ZNF577: variants seen among roughly 807,000 people sequenced by gnomAD.
The protein encoded by ZNF577 is zinc finger protein 577.
ZNF577 carries 14 observed loss-of-function variants against 13.9 expected under a neutral mutation model. The ratio of observed to expected loss-of-function variants is 1.00; its 90% CI spans 0.66 to 1.57. The LOEUF is 1.57. Ranked by LOEUF, ZNF577 falls within the 40% of genes most tolerant of loss-of-function variation. ZNF577 has a pLI of 0.00. For missense variants in ZNF577, 555 were observed against 579.2 expected, an observed-to-expected ratio of 0.96 and a Z score of 0.43; for synonymous variants, 203 against 202.9, an observed-to-expected ratio of 1.00 and a Z score of 0.00.
chr19:51,849,504 G>A (rs554965542), intron 5 of ZNF577, among the ~76,000 whole-genome samples: 1 of 152,286 alleles, frequency 6.6e-6, no homozygotes, highest in African/African-American at 2.4e-5. Flanking sequence ...TGCCATGTGA[G>A]GACACAGCAA....
At position 51,873,466 on chromosome 19, in the gene ZNF577, T is replaced by C. The variant is rs560523486; in HGVS notation, c.524A>G (p.Gln175Arg). 134 of 1,614,190 alleles carry C rather than the reference T, an allele frequency of 8.3e-5. No homozygotes were observed. Among genetic ancestry groups the C allele is most frequent in the Admixed American group, 2.2e-4 (13 of 60,030 alleles). The stretch of plus-strand genomic sequence containing the variant: ...CTCTCCTCTTTCAGTTCTCTGATGT[T>C]GAATAAGCTGTGCTTTCCTGGAGAA... ...RAFSRKAQLI[Q>R]HQRTERGEKP... The change falls in exon 6 of 6, where the codon CAA (glutamine) becomes CGA (arginine). Residue 175 changes from glutamine (Q) to arginine (R), a missense_variant. Gln to Arg is a conservative substitution (Grantham distance 43). Coordinates refer to ENST00000638348, the MANE Select transcript of ZNF577 (RefSeq NM_001370449.1).
At position 51,824,455 on chromosome 19, in the gene ZNF577, C is replaced by A. The variant is rs1379995512; in HGVS notation, c.*600-12781G>T. The A allele has an allele frequency of 1.9e-6, 3 of 1,613,964 alleles. No individual in the cohort carries two copies. The highest frequency in any genetic ancestry group is 2.5e-6 in the Non-Finnish European group (3 of 1,180,000). On this transcript the variant is annotated intron_variant and NMD_transcript_variant, in intron 9 of 10. Transcript: ENST00000638827. The surrounding 1 kb of genome is among the most constrained non-coding windows in gnomAD (Gnocchi z 4.7). ...ATTCACAGAAACCACATGATTAAATCCAGCCGTCCCTTACGTGTCTTCGCT... is the reference window on the plus strand; with the variant it reads ...ATTCACAGAAACCACATGATTAAATACAGCCGTCCCTTACGTGTCTTCGCT...
Position 51,855,833 on chromosome 19 carries a change from T to C in ZNF577, c.284-10902A>G, listed in dbSNP as rs573488782. On this transcript the variant is annotated intron_variant and NMD_transcript_variant, in intron 5 of 10. Transcript: ENST00000638827. ...CTGTAAGACAAGATATATAATGACATTGCTCTGAGGATGAGGCTTTTTGAG... is the reference window on the plus strand; with the variant it reads ...CTGTAAGACAAGATATATAATGACACTGCTCTGAGGATGAGGCTTTTTGAG... The C allele has an allele frequency of 5.3e-5, 8 of 152,278 alleles. No individual in the cohort carries two copies. The South Asian group carries it at 8.3e-4, about 16-fold the overall frequency. The allele number at this position is 152,278 out of a possible 1,614,324, so 9.4% of individuals were successfully genotyped here.
intron 10 of ZNF577, among the ~76,000 whole-genome samples, chr19:51,806,501 T>A (rs1016493372): frequency 1.3e-5 from 2 of 152,138 alleles, no homozygotes; most frequent in Non-Finnish European, 2.9e-5. Flanking sequence ...TAAATGTAGT[T>A]TTGATTGAGG....
rs2084215546 is a variant in ZNF577, at chr19:51,824,417, C to T, written c.*600-12743G>A. 5.0e-6 allele frequency: 8 copies of T among 1,614,100 alleles called. No individual in the cohort carries two copies. The highest frequency in any genetic ancestry group is 1.3e-5 in the African/African-American group (1 of 75,042). ...CCATCATCACAGTCTGCTATGGGATCATCGCTGCCAAAATTCACAGAAACC... is the reference window on the plus strand; with the variant it reads ...CCATCATCACAGTCTGCTATGGGATTATCGCTGCCAAAATTCACAGAAACC... On this transcript the variant is annotated intron_variant and NMD_transcript_variant, in intron 9 of 10. Coordinates refer to the ZNF577 transcript ENST00000638827. The surrounding 1 kb of genome is among the most constrained non-coding windows in gnomAD (Gnocchi z 4.7).
At chr19:51,810,869 T>C (rs1256012779) in intron 10 of ZNF577, among the ~76,000 whole-genome samples, 1 of 152,150 alleles carries the variant, frequency 6.6e-6, no homozygotes, top group Non-Finnish European at 1.5e-5. Context: ...GATCAGGCCT[T>C]ATGGAAATAG....
intron 5 of ZNF577, among the ~76,000 whole-genome samples, chr19:51,874,523 G>A (rs575370706): frequency 1.4e-4 from 22 of 152,026 alleles, no homozygotes; most frequent in East Asian, 3.9e-4. Context: ...TGGTTTACCC[G>A]GAATATCCTG....
chr19:51,808,656 G>T (rs558459136), intron 10 of ZNF577, among the ~76,000 whole-genome samples: 2 of 152,294 alleles, frequency 1.3e-5, no homozygotes, highest in East Asian at 3.9e-4. Flanking sequence ...TAAGGGTGTA[G>T]TAAAGAAACA....
At chr19:51,850,403 T>G (rs1848093270) in intron 5 of ZNF577, among the ~76,000 whole-genome samples, 2 of 152,238 alleles carry the variant, frequency 1.3e-5, no homozygotes, top group South Asian at 4.1e-4. Flanking sequence ...CAAACTTCCC[T>G]TATTGGCATT....
chr19:51,872,959 T>C lies in ZNF577; in HGVS notation c.1031A>G (p.His344Arg), dbSNP rs983157391. The C allele has an allele frequency of 9.9e-6, 16 of 1,614,212 alleles. No individual in the cohort carries two copies. Among genetic ancestry groups the C allele is most frequent in the Middle Eastern group, 3.3e-4 (2 of 6,058 alleles). The stretch of plus-strand genomic sequence containing the variant: ...TCTCTCTCCAGTGTGAGTACGCTGA[T>C]GCTGAATGAGCTTCGACTTGCTTCT... ...AFRSKSKLIQ[H>R]QRTHTGERPY... The change falls in exon 6 of 6, where the codon CAT (histidine) becomes CGT (arginine). Residue 344 changes from histidine to arginine, a missense_variant. Coordinates refer to ENST00000638348, the MANE Select transcript of ZNF577 (RefSeq NM_001370449.1).
At chr19:51,823,615 C>A (rs1415824731) in intron 9 of ZNF577, 17 of 731,570 alleles carry the variant, frequency 2.3e-5, no homozygotes, top group African/African-American at 2.0e-4. Flanking sequence ...TATGTTATAA[C>A]CATTCACAAG....
intron 5 of ZNF577, among the ~76,000 whole-genome samples, chr19:51,846,740 C>T (rs979304482): frequency 2.6e-5 from 4 of 151,970 alleles, no homozygotes; most frequent in Non-Finnish European, 5.9e-5. Context: ...TTGCATTCTC[C>T]CCCTACTGCC....
At chr19:51,834,003 T>C (rs886894708) in intron 9 of ZNF577, among the ~76,000 whole-genome samples, 1 of 152,220 alleles carries the variant, frequency 6.6e-6, no homozygotes, top group Non-Finnish European at 1.5e-5. Context: ...TTATCATTTC[T>C]CTATGTGGTG....
At position 51,878,565 on chromosome 19, in the gene ZNF577, C is replaced by A. The variant is rs183959545; in HGVS notation, c.61-50G>T. 6 of 1,604,606 alleles carry A rather than the reference C, an allele frequency of 3.7e-6. No individual in the cohort carries two copies. The East Asian group carries it at 1.3e-4, about 36-fold the overall frequency. Reference sequence around the variant, plus strand: ...CTGAGGTGGATAACAATAGATGATGCGGAGAAGAGGGACGGGGACATGTCT... The same window carrying A: ...CTGAGGTGGATAACAATAGATGATGAGGAGAAGAGGGACGGGGACATGTCT... On this transcript the variant is annotated intron_variant, in intron 3 of 5. Coordinates refer to ENST00000638348, the MANE Select transcript of ZNF577 (RefSeq NM_001370449.1).
At chr19:51,821,818 C>T (rs971347498) in intron 9 of ZNF577, among the ~76,000 whole-genome samples, 2 of 151,774 alleles carry the variant, frequency 1.3e-5, no homozygotes, top group African/African-American at 4.8e-5. Context: ...CCATGAATTC[C>T]CTCTGGTACA....
Position 51,824,371 on chromosome 19 carries a change from T to C in ZNF577, c.*600-12697A>G. On this transcript the variant is annotated intron_variant and NMD_transcript_variant, in intron 9 of 10. Transcript: ENST00000638827. The surrounding 1 kb of genome is among the most constrained non-coding windows in gnomAD (Gnocchi z 4.7). ...GTCTTTCTGATCCTCCACTTCATTA[T>C]TGGCTTCAGCGTGCCTATGTCCATC... 3 of 1,614,158 alleles carry C rather than the reference T, an allele frequency of 1.9e-6. No individual in the cohort carries two copies. The highest frequency in any genetic ancestry group is 2.2e-5 in the East Asian group (1 of 44,868).
chr19:51,849,730 C>T (rs1021818236), intron 5 of ZNF577, among the ~76,000 whole-genome samples: 4 of 152,138 alleles, frequency 2.6e-5, no homozygotes, highest in Non-Finnish European at 4.4e-5. Context: ...AAAAGTTTGG[C>T]CACTTTTTAT....
intron 5 of ZNF577, among the ~76,000 whole-genome samples, chr19:51,855,641 C>G (rs1020177487): frequency 6.6e-6 from 1 of 152,192 alleles, no homozygotes; most frequent in African/African-American, 2.4e-5. Context: ...TTTTTCAGAG[C>G]TCTTGTTTGC....
At chr19:51,816,065 A>T (rs1198364208) in intron 9 of ZNF577, among the ~76,000 whole-genome samples, 2 of 40,788 alleles carry the variant, frequency 4.9e-5, no homozygotes, top group African/African-American at 2.4e-4. Flanking sequence ...AGATCCTATT[A>T]AAAAAAAAAA....
Sources: gnomAD v4.1 joint callset for allele counts (sites outside exome capture counted in the v4.1 genomes callset) on GRCh38, gnomAD v4.1.1 for gene constraint, Gnocchi (gnomAD v3.1) non-coding constraint, MANE v1.5 for transcripts, NCBI Gene and HGNC (gene_info 2026-07-23, HGNC 2026-07-21) for gene names.